CTNNA3: variants seen among roughly 807,000 people sequenced by gnomAD.
The protein encoded by CTNNA3 is catenin alpha-3.
CTNNA3 carries 76 observed loss-of-function variants against 95.7 expected under a neutral mutation model. The ratio of observed to expected loss-of-function variants is 0.79; its 90% confidence interval spans 0.66 to 0.96. CTNNA3 has a LOEUF of 0.96. Ranked by LOEUF, CTNNA3 falls within the 40% of genes least tolerant of loss-of-function variation. The pLI is 0.00. For synonymous variants in CTNNA3, 431 were observed against 374.4 expected (o/e 1.15, Z -1.74); for missense variants, 1,191 against 1,089.8 (o/e 1.09, Z -1.31).
At chr10:66,180,930 C>T (rs2086008064) in intron 13 of CTNNA3, among the ~76,000 whole-genome samples, 1 of 151,914 alleles carries the variant, frequency 6.6e-6, no homozygotes, top group East Asian at 1.9e-4. Context: ...CTAGTGGCCA[C>T]TTACATAAAT....
intron 17 of CTNNA3, among the ~76,000 whole-genome samples, chr10:65,965,548 G>A (rs2077945734): frequency 6.6e-6 from 1 of 151,838 alleles, no homozygotes; most frequent in Non-Finnish European, 1.5e-5. Flanking sequence ...GAGATTACAG[G>A]CATGCGCCAC....
intron 5 of CTNNA3, among the ~76,000 whole-genome samples, chr10:67,257,282 G>C (rs919573655): frequency 2.0e-5 from 3 of 152,180 alleles, no homozygotes; most frequent in African/African-American, 7.2e-5. Flanking sequence ...CAGGGTTTGT[G>C]ATTTTCTAAC....
At chr10:67,726,466 ATAT>A (rs1841222976) in intron 1 of CTNNA3, among the ~76,000 whole-genome samples, 1 of 43,636 alleles carries the variant, frequency 2.3e-5, no homozygotes, top group East Asian at 9.6e-4. Flanking sequence ...ATGATATATG[ATAT>A]AATATTATAT....
At chr10:66,236,073 T>C (rs2089840568) in intron 13 of CTNNA3, among the ~76,000 whole-genome samples, 1 of 152,144 alleles carries the variant, frequency 6.6e-6, no homozygotes, top group African/African-American at 2.4e-5. Context: ...GTAGTCTCAT[T>C]GAGAAGAAGA....
chr10:67,408,126 G>A (rs1337171182), intron 5 of CTNNA3, among the ~76,000 whole-genome samples: 7 of 152,180 alleles, frequency 4.6e-5, no homozygotes, highest in East Asian at 1.9e-4. Context: ...CCATGCTAAT[G>A]AATAGGAAGA....
chr10:66,900,684 T>C (rs1055965396), intron 7 of CTNNA3, among the ~76,000 whole-genome samples: 1 of 152,146 alleles, frequency 6.6e-6, no homozygotes, highest in Non-Finnish European at 1.5e-5. Context: ...AGACCTTCAA[T>C]GGCCTGATGG....
intron 3 of CTNNA3, among the ~76,000 whole-genome samples, chr10:67,584,561 T>G (rs1293741833): frequency 6.6e-6 from 1 of 152,168 alleles, no homozygotes; most frequent in African/African-American, 2.4e-5. Flanking sequence ...GATCTCAAAC[T>G]CTGTGCTGGG....
rs187696294 is a variant in CTNNA3 at position 66,135,199 on chromosome 10, C to A, written c.1885-31950G>T. 5.9e-5 allele frequency among the ~76,000 whole-genome samples: 9 copies of A among 152,042 alleles called. No homozygotes were observed. The East Asian group carries it at 1.5e-3, about 26-fold the overall frequency. On this transcript the variant is annotated intron_variant, in intron 13 of 17. Coordinates refer to ENST00000433211, the MANE Select transcript of CTNNA3 (RefSeq NM_013266.4). ...CAATTGCAACAAAAACACATAACAC[C>A]GAGGTTTTGATGACTAAATATAATT...
chr10:66,332,989 T>A (rs961623509), intron 12 of CTNNA3, among the ~76,000 whole-genome samples: 1 of 152,154 alleles, frequency 6.6e-6, no homozygotes, highest in African/African-American at 2.4e-5. Flanking sequence ...TATCCATTTC[T>A]TTGAGATTTT....
intron 7 of CTNNA3, among the ~76,000 whole-genome samples, chr10:66,975,988 G>A (rs572133258): frequency 6.6e-6 from 1 of 152,140 alleles, no homozygotes; most frequent in Non-Finnish European, 1.5e-5. Context: ...TTAAAAACCA[G>A]AGTTGATTCT....
intron 11 of CTNNA3, among the ~76,000 whole-genome samples, chr10:66,465,606 T>G (rs921216705): frequency 1.1e-4 from 16 of 152,118 alleles, no homozygotes. Flanking sequence ...CAGCCAAATC[T>G]CATGTCACTG....
chr10:67,441,158 A>C (rs115449710), intron 5 of CTNNA3, among the ~76,000 whole-genome samples: 2,652 of 152,244 alleles, frequency 0.017, 84 homozygotes, highest in African/African-American at 0.058. Context: ...TGCAATTGAC[A>C]AACTGAATAA....
At position 66,861,997 on chromosome 10, in the gene CTNNA3, C is replaced by T. The variant is rs542288117; in HGVS notation, c.1048-86473G>A. Among the ~76,000 whole-genome samples, 10 of 152,164 alleles carry T rather than the reference C, an allele frequency of 6.6e-5. No individual in the cohort carries two copies. In the South Asian group the frequency reaches 1.9e-3, roughly 28 times the overall value. On this transcript the variant is annotated intron_variant, in intron 7 of 17. Coordinates refer to ENST00000433211, the MANE Select transcript of CTNNA3 (RefSeq NM_013266.4). ...TGGGAGGCCAAGGAAGGCTTATGAC[C>T]TGAGGTCAGGAGTTCAAGATCAGCC...
rs1313323862 is a variant in CTNNA3, at chr10:66,605,800, T to G, written c.1374+15892A>C. Among the ~76,000 whole-genome samples the G allele has an allele frequency of 2.0e-5, 3 of 152,160 alleles. No individual in the cohort carries two copies. In the East Asian group the frequency reaches 5.8e-4, roughly 29 times the overall value. On this transcript the variant is annotated intron_variant, in intron 10 of 17. Coordinates refer to ENST00000433211, the MANE Select transcript of CTNNA3 (RefSeq NM_013266.4). ...ACCAGACCTGCCTTACAAGAGCTTC[T>G]GAAGGAAGCACTAAATGTGGAAAGA...
At chr10:66,634,314 T>A (rs1034695235) in intron 9 of CTNNA3, among the ~76,000 whole-genome samples, 13 of 152,260 alleles carry the variant, frequency 8.5e-5, no homozygotes, top group African/African-American at 3.1e-4. Flanking sequence ...ATATAATGAT[T>A]ACATAGAAAA....
intron 5 of CTNNA3, among the ~76,000 whole-genome samples, chr10:67,293,564 C>T (rs753443367): frequency 1.1e-4 from 16 of 152,090 alleles, no homozygotes; most frequent in East Asian, 1.9e-4. Context: ...ACGTGCACAA[C>T]GTGCAGGTTA....
chr10:67,636,973 G>A (rs1839337297), intron 2 of CTNNA3, among the ~76,000 whole-genome samples: 1 of 152,138 alleles, frequency 6.6e-6, no homozygotes, highest in Non-Finnish European at 1.5e-5. Context: ...TACTCCAAAG[G>A]AATGCAGCTC....
intron 9 of CTNNA3, among the ~76,000 whole-genome samples, chr10:66,695,234 C>T (rs556638480): frequency 1.1e-3 from 173 of 152,244 alleles, no homozygotes; most frequent in Non-Finnish European, 1.9e-3. Flanking sequence ...AATGCAGGTA[C>T]AGGCATGTTT....
rs1296423874 is a variant in CTNNA3, at chr10:67,205,265, C to A, written c.843+14342G>T. Among the ~76,000 whole-genome samples, 4 of 152,220 alleles carry A rather than the reference C, an allele frequency of 2.6e-5. No individual in the cohort carries two copies. The East Asian group carries it at 7.7e-4, about 29-fold the overall frequency. On this transcript the variant is annotated intron_variant, in intron 6 of 17. Coordinates refer to ENST00000433211, the MANE Select transcript of CTNNA3 (RefSeq NM_013266.4). ...GATCTCTTTTATGTCATAATTTTCTCATGTTTTATTTTTTGCAAAGTCGGT... is the reference window on the plus strand; with the variant it reads ...GATCTCTTTTATGTCATAATTTTCTAATGTTTTATTTTTTGCAAAGTCGGT...
Sources: gnomAD v4.1 joint callset for allele counts (sites outside exome capture counted in the v4.1 genomes callset) on GRCh38, gnomAD v4.1.1 for gene constraint, MANE v1.5 for transcripts, NCBI Gene and HGNC (gene_info 2026-07-23, HGNC 2026-07-21) for gene names.